Variants in MIR2052HG observed in about 807,000 individuals in gnomAD.
MIR2052HG encodes MIR2052 host gene.
At chr8:74,602,611 A>G (rs1808018496) in intron 1 of MIR2052HG, among the ~76,000 whole-genome samples, 1 of 150,848 alleles carries the variant, frequency 6.6e-6, no homozygotes, top group Non-Finnish European at 1.5e-5. Flanking sequence ...TCCTGGGTTC[A>G]AGCAATTCTC....
chr8:74,703,343 A>C (rs1356953163), intron 3 of MIR2052HG, among the ~76,000 whole-genome samples: 1 of 152,058 alleles, frequency 6.6e-6, no homozygotes, highest in Non-Finnish European at 1.5e-5. Context: ...CATACTGTGA[A>C]TCTTTATTTT....
intron 4 of MIR2052HG, among the ~76,000 whole-genome samples, chr8:74,721,503 G>T (rs1026108714): frequency 1.3e-5 from 2 of 152,196 alleles, no homozygotes; most frequent in African/African-American, 4.8e-5. Context: ...GGGACAAAAG[G>T]CCTCTTATCT....
chr8:74,645,049 G>T (rs1586901848), intron 2 of MIR2052HG, among the ~76,000 whole-genome samples: 2 of 152,126 alleles, frequency 1.3e-5, no homozygotes, highest in East Asian at 3.8e-4. Context: ...TTATTTATGA[G>T]AAGTTTTTTT....
intron 2 of MIR2052HG, among the ~76,000 whole-genome samples, chr8:74,687,558 A>G (rs1809195526): frequency 1.3e-5 from 2 of 152,288 alleles, no homozygotes; most frequent in South Asian, 4.1e-4. Context: ...AGAACATTAT[A>G]CTAAGTAGAA....
In MIR2052HG at chr8:74,754,407, G is replaced by A. The variant is rs529417297; in HGVS notation, n.464+1874G>A. Among the ~76,000 whole-genome samples the A allele has an allele frequency of 5.3e-4, 80 of 152,276 alleles. No individual in the cohort carries two copies. The South Asian group carries it at 0.016, about 31-fold the overall frequency. ...ATCCAGAGTGTTAGGCACATTTGGT[G>A]GCCAGCTAGTGTTTAATTGAAATGT... is the stretch of plus-strand genomic sequence containing the variant. On this transcript the variant is annotated intron_variant and non_coding_transcript_variant, in intron 5 of 6. Transcript: ENST00000523442.
intron 2 of MIR2052HG, among the ~76,000 whole-genome samples, chr8:74,695,739 T>A (rs1809289272): frequency 6.6e-6 from 1 of 151,836 alleles, no homozygotes; most frequent in Non-Finnish European, 1.5e-5. Flanking sequence ...CTGATAAAAG[T>A]CATTATATAA....
intron 2 of MIR2052HG, among the ~76,000 whole-genome samples, chr8:74,636,517 G>T (rs76007813): frequency 0.043 from 6,567 of 152,162 alleles, 225 homozygotes; most frequent in Non-Finnish European, 0.053. Context: ...ATCCAAGATA[G>T]GTCAAGTTAG....
intron 2 of MIR2052HG, among the ~76,000 whole-genome samples, chr8:74,689,356 T>G (rs1809216407): frequency 6.6e-6 from 1 of 152,220 alleles, no homozygotes; most frequent in Non-Finnish European, 1.5e-5. Context: ...TTCTTCTCTA[T>G]TTTTCTTTTC....
intron 2 of MIR2052HG, among the ~76,000 whole-genome samples, chr8:74,656,917 G>C (rs1051461517): frequency 1.3e-5 from 2 of 152,210 alleles, no homozygotes; most frequent in African/African-American, 4.8e-5. Context: ...GATAATCCTA[G>C]AGAAAAGTAG....
At chr8:74,651,206 T>A (rs1808748343) in intron 2 of MIR2052HG, among the ~76,000 whole-genome samples, 2 of 152,074 alleles carry the variant, frequency 1.3e-5, no homozygotes, top group South Asian at 4.1e-4. Flanking sequence ...GAACTGGTTG[T>A]TTTTAATGAT....
intron 2 of MIR2052HG, among the ~76,000 whole-genome samples, chr8:74,640,710 C>A (rs1808629960): frequency 6.6e-6 from 1 of 152,146 alleles, no homozygotes; most frequent in South Asian, 2.1e-4. Context: ...GGAAAGAGAT[C>A]TAACAGTATC....
chr8:74,621,946 A>ATAGG (rs1808367291), intron 2 of MIR2052HG, among the ~76,000 whole-genome samples: 1 of 152,226 alleles, frequency 6.6e-6, no homozygotes, highest in Non-Finnish European at 1.5e-5. Flanking sequence ...CTATACAATT[A>ATAGG]CTAAAAGAAA....
chr8:74,658,612 C>G (rs1799440267), intron 2 of MIR2052HG, among the ~76,000 whole-genome samples: 4 of 152,174 alleles, frequency 2.6e-5, no homozygotes, highest in Admixed American at 2.0e-4. Flanking sequence ...TCTCGAACTC[C>G]TGACCTCAAG....
intron 2 of MIR2052HG, among the ~76,000 whole-genome samples, chr8:74,627,099 C>T (rs999187965): frequency 1.3e-5 from 2 of 152,182 alleles, no homozygotes; most frequent in Non-Finnish European, 2.9e-5. Flanking sequence ...CACATATTCA[C>T]CTTTCAGAGC....
rs140019090 is a variant in MIR2052HG, at chr8:74,617,797, G to T, written n.216+4857G>T. On this transcript the variant is annotated intron_variant and non_coding_transcript_variant, in intron 2 of 6. Coordinates refer to ENST00000523442, the Ensembl canonical transcript of MIR2052HG. ...AAAATCTCCATAGTGTTCCACAGAG[G>T]TTGTACTAGTTTACATTCCCACCAA... Among the ~76,000 whole-genome samples, 757 of 152,260 alleles carry T rather than the reference G, an allele frequency of 5.0e-3. 11 individuals carry two copies. Among genetic ancestry groups the T allele is most frequent in the African/African-American group, 0.017 (707 of 41,526 alleles).
At chr8:74,613,612 AG>A (rs1246048668) in intron 2 of MIR2052HG, among the ~76,000 whole-genome samples, 3 of 152,088 alleles carry the variant, frequency 2.0e-5, no homozygotes, top group Admixed American at 6.5e-5. Context: ...CAGCCTCCCA[AG>A]TAGCTGGGAT....
chr8:74,716,017 G>A lies in MIR2052HG; in HGVS notation n.371+12335G>A, dbSNP rs183571697. On this transcript the variant is annotated intron_variant and non_coding_transcript_variant, in intron 4 of 6. Coordinates refer to ENST00000523442, the Ensembl canonical transcript of MIR2052HG. Reference sequence around the variant, plus strand: ...ATGAAAGAATCAAATGCAAATGGTCGTTTGCAAAGAAGATCCCAGAAAGCT... The same window carrying A: ...ATGAAAGAATCAAATGCAAATGGTCATTTGCAAAGAAGATCCCAGAAAGCT... 5.2e-3 allele frequency among the ~76,000 whole-genome samples: 795 copies of A among 152,284 alleles called. 4 individuals carry two copies. Among genetic ancestry groups the A allele is most frequent in the African/African-American group, 0.016 (653 of 41,562 alleles).
chr8:74,684,126 T>G (rs569609282), intron 2 of MIR2052HG, among the ~76,000 whole-genome samples: 1 of 152,244 alleles, frequency 6.6e-6, no homozygotes, highest in South Asian at 2.1e-4. Flanking sequence ...TGTAAGCAGT[T>G]AGACCACACC....
chr8:74,745,839 T>G (rs1365484897), intron 4 of MIR2052HG, among the ~76,000 whole-genome samples: 1 of 152,176 alleles, frequency 6.6e-6, no homozygotes, highest in Non-Finnish European at 1.5e-5. Context: ...AGTAATAATC[T>G]TAGTTCAGCC....
Sources: allele counts gnomAD v4.1 joint callset (sites outside exome capture counted in the v4.1 genomes callset), GRCh38; gene constraint gnomAD v4.1.1; transcripts MANE v1.5; gene names NCBI Gene and HGNC (gene_info 2026-07-23, HGNC 2026-07-21).